The following NRG1 variants were observed in gnomAD, a reference collection of about 807,000 sequenced individuals.
NRG1 encodes the protein pro-neuregulin-1, membrane-bound isoform.
In NRG1, 18 loss-of-function variants were observed where a neutral mutation model predicts 63.8. That is an observed-to-expected ratio of 0.28 (90% CI 0.19 to 0.42). The LOEUF is 0.42. Among genes scored for constraint, NRG1 ranks in the 10% least tolerant of loss-of-function variants. The pLI, the probability that NRG1 is intolerant of heterozygous loss-of-function variation, is 1.00. For synonymous variants in NRG1, 302 were observed against 301.3 expected (o/e 1.00, Z -0.02); for missense variants, 762 against 814.7 (o/e 0.94, Z 0.79).
intron 1 of NRG1, among the ~76,000 whole-genome samples, chr8:31,908,077 G>C (rs1832671308): frequency 6.6e-6 from 1 of 152,022 alleles, no homozygotes; most frequent in Non-Finnish European, 1.5e-5. Context: ...TTGGAGCCCT[G>C]GATCTTCAAA....
chr8:32,678,412 T>C (rs1346831723), intron 5 of NRG1, among the ~76,000 whole-genome samples: 3 of 152,170 alleles, frequency 2.0e-5, no homozygotes, highest in Non-Finnish European at 2.9e-5. Context: ...ATATTTTGGC[T>C]TTTGGTCCTC....
chr8:32,548,859 C>CCTCCCCCTG (rs769316993), intron 1 of NRG1, 33 bp downstream of exon 1: 1 of 1,531,888 alleles, frequency 6.5e-7, no homozygotes. Flanking sequence ...GCCCCACGAT[C>CCTCCCCCTG]CTCCTCCTGC....
chr8:32,320,358 T>G (rs1042940433), intron 1 of NRG1, among the ~76,000 whole-genome samples: 1 of 152,160 alleles, frequency 6.6e-6, no homozygotes, highest in Non-Finnish European at 1.5e-5. Flanking sequence ...GAAGTTAGCC[T>G]CTGTTTCAGT....
At chr8:32,333,762 T>C (rs1802925608) in intron 1 of NRG1, among the ~76,000 whole-genome samples, 1 of 152,216 alleles carries the variant, frequency 6.6e-6, no homozygotes, top group Admixed American at 6.5e-5. Flanking sequence ...AGATACCTTG[T>C]GCTTTGTGAT....
intron 5 of NRG1, among the ~76,000 whole-genome samples, chr8:32,640,974 A>AATG (rs1852280408): frequency 6.6e-6 from 1 of 151,356 alleles, no homozygotes; most frequent in South Asian, 2.1e-4. Context: ...AAATAATAAT[A>AATG]ATAATAGTTC....
intron 5 of NRG1, among the ~76,000 whole-genome samples, chr8:32,628,160 C>T (rs1352176280): frequency 6.6e-6 from 1 of 152,006 alleles, no homozygotes; most frequent in African/African-American, 2.4e-5. Context: ...TATGCCCCAG[C>T]TCTGATGAAA....
chr8:32,567,360 A>G lies in NRG1; in HGVS notation c.100+18534A>G, dbSNP rs78028397. Among the ~76,000 whole-genome samples the G allele has an allele frequency of 8.7e-3, 1,321 of 152,318 alleles. 17 individuals are homozygous for G. Among genetic ancestry groups the G allele is most frequent in the African/African-American group, 0.029 (1,210 of 41,560 alleles). ...TTTGACAAGGTGTAAATCTCACTGAATGCAGTTGCTGTGGTTGCTACCAAG... is the reference window on the plus strand; with the variant it reads ...TTTGACAAGGTGTAAATCTCACTGAGTGCAGTTGCTGTGGTTGCTACCAAG... On this transcript the variant is annotated intron_variant, in intron 1 of 11. Transcript: ENST00000356819.
rs564272919 is a variant in NRG1 at position 31,657,929 on chromosome 8, C to G, written c.37+18498C>G. 9.2e-5 allele frequency among the ~76,000 whole-genome samples: 14 copies of G among 152,324 alleles called. No individual in the cohort carries two copies. In the East Asian group the frequency reaches 2.5e-3, roughly 27 times the overall value. ...CTGGATAGAATTCTAGTCACACCATCACTTGGGTGAGGTCCTTTTGCCCTC... is the reference window on the plus strand; with the variant it reads ...CTGGATAGAATTCTAGTCACACCATGACTTGGGTGAGGTCCTTTTGCCCTC... On this transcript the variant is annotated intron_variant, in intron 1 of 10. Coordinates refer to the NRG1 transcript ENST00000519301.
chr8:31,670,202 T>C (rs1270327498), intron 1 of NRG1, among the ~76,000 whole-genome samples: 3 of 152,172 alleles, frequency 2.0e-5, no homozygotes, highest in Admixed American at 1.3e-4. Context: ...TCCATGTTAT[T>C]TTTTAGGACA....
intron 1 of NRG1, among the ~76,000 whole-genome samples, chr8:32,311,967 A>G (rs961968482): frequency 6.6e-6 from 1 of 152,012 alleles, no homozygotes; most frequent in Non-Finnish European, 1.5e-5. Flanking sequence ...TCTCTATTTC[A>G]TGGATAATCC....
chr8:31,802,390 G>A (rs982731752), intron 1 of NRG1, among the ~76,000 whole-genome samples: 2 of 152,110 alleles, frequency 1.3e-5, no homozygotes, highest in Non-Finnish European at 2.9e-5. Flanking sequence ...CTTCTACTCT[G>A]TGTTTAAATT....
chr8:31,659,358 C>T (rs28468446), intron 1 of NRG1, among the ~76,000 whole-genome samples: 33,165 of 152,072 alleles, frequency 0.22, 4,396 homozygotes, highest in East Asian at 0.6. Context: ...GACATGGCAC[C>T]AAGAATGAGC....
At chr8:31,940,945 G>T (rs770810236) in intron 1 of NRG1, among the ~76,000 whole-genome samples, 5 of 152,048 alleles carry the variant, frequency 3.3e-5, no homozygotes, top group Non-Finnish European at 7.4e-5. Flanking sequence ...GGACCAGATG[G>T]ATTCACAGCT....
intron 2 of NRG1, among the ~76,000 whole-genome samples, chr8:32,602,903 G>A (rs866028672): frequency 1.3e-5 from 2 of 151,972 alleles, no homozygotes; most frequent in African/African-American, 4.8e-5. Context: ...GTATTTGAAC[G>A]CTCCAAAATT....
At chr8:32,095,971 A>G (rs541421650) in intron 1 of NRG1, among the ~76,000 whole-genome samples, 1 of 152,358 alleles carries the variant, frequency 6.6e-6, no homozygotes, top group East Asian at 1.9e-4. Context: ...CCTCTCTGAG[A>G]AGGAGACTTT....
intron 1 of NRG1, among the ~76,000 whole-genome samples, chr8:32,363,947 ATC>A (rs1357811566): frequency 6.6e-6 from 1 of 152,006 alleles, no homozygotes; most frequent in Non-Finnish European, 1.5e-5. Context: ...ACTTGTGTTA[ATC>A]TTGTAGAAGT....
At chr8:32,569,760 G>GT (rs1215913731) in intron 1 of NRG1, among the ~76,000 whole-genome samples, 2 of 151,744 alleles carry the variant, frequency 1.3e-5, no homozygotes, top group Non-Finnish European at 2.9e-5. Context: ...TGAGCTCATT[G>GT]TTTTTTAAAA....
At chr8:32,725,549 C>T (rs777780113) in intron 5 of NRG1, among the ~76,000 whole-genome samples, 7 of 138,120 alleles carry the variant, frequency 5.1e-5, no homozygotes, top group Non-Finnish European at 9.1e-5. Flanking sequence ...AATCTCGGCT[C>T]ACTGCAACCA....
intron 1 of NRG1, among the ~76,000 whole-genome samples, chr8:31,658,231 A>G (rs1397636282): frequency 6.6e-6 from 1 of 152,204 alleles, no homozygotes; most frequent in East Asian, 1.9e-4. Context: ...GAAAAGAGAC[A>G]TGGTAGAGTC....
Sources: allele counts gnomAD v4.1 joint callset (sites outside exome capture counted in the v4.1 genomes callset), GRCh38; gene constraint gnomAD v4.1.1; transcripts MANE v1.5; gene names NCBI Gene and HGNC (gene_info 2026-07-23, HGNC 2026-07-21).